The following CFAP61 variants were observed in gnomAD, a reference collection of about 807,000 sequenced individuals.
The protein encoded by CFAP61 is cilia and flagella associated protein 61, also known as cilia- and flagella-associated protein 61.
Under a neutral mutation model 135.6 loss-of-function variants are expected in CFAP61, and 107 were observed. The observed-to-expected ratio is 0.79, with a 90% CI of 0.67 to 0.93. The LOEUF (loss-of-function observed/expected upper bound fraction) is 0.93, where lower values mean the gene tolerates loss of function less well. Among genes scored for constraint, CFAP61 ranks in the 40% least tolerant of loss-of-function variants. CFAP61 has a pLI of 0.00. For synonymous variants in CFAP61, 575 were observed against 578.5 expected (o/e 0.99, Z 0.09); for missense variants, 1,507 against 1,556.2 (o/e 0.97, Z 0.53).
intron 17 of CFAP61, among the ~76,000 whole-genome samples, chr20:20,223,061 A>G (rs887366407): frequency 1.3e-5 from 2 of 152,226 alleles, no homozygotes; most frequent in East Asian, 3.8e-4. Flanking sequence ...GAAAAGATAT[A>G]TATACACATG....
chr20:20,247,673 G>C (rs756342436), intron 19 of CFAP61, among the ~76,000 whole-genome samples: 235 of 152,172 alleles, frequency 1.5e-3, no homozygotes, highest in Non-Finnish European at 2.9e-3. Flanking sequence ...GTGCTGTGAT[G>C]CTCCAGCCTA....
intron 18 of CFAP61, 68 bp downstream of exon 18, chr20:20,228,444 A>G: frequency 1.5e-6 from 2 of 1,362,574 alleles, no homozygotes; most frequent in South Asian, 2.5e-5. Flanking sequence ...ACATCTGAAG[A>G]GAACACCATC....
chr20:20,318,524 C>T (rs1016935755), intron 25 of CFAP61, among the ~76,000 whole-genome samples: 5 of 152,156 alleles, frequency 3.3e-5, no homozygotes, highest in East Asian at 1.9e-4. Context: ...GGGCTGGCAC[C>T]GGAGGCATGA....
At chr20:20,185,716 T>C (rs2055447948) in intron 13 of CFAP61, among the ~76,000 whole-genome samples, 1 of 152,244 alleles carries the variant, frequency 6.6e-6, no homozygotes, top group South Asian at 2.1e-4. Flanking sequence ...CACCAGTTTC[T>C]GAGAGAGGCA....
At chr20:20,097,085 G>C (rs2047633383) in intron 7 of CFAP61, among the ~76,000 whole-genome samples, 1 of 115,952 alleles carries the variant, frequency 8.6e-6, no homozygotes, top group South Asian at 3.5e-4. Flanking sequence ...ACAAATAGTA[G>C]TTTAATACCT....
intron 8 of CFAP61, among the ~76,000 whole-genome samples, chr20:20,114,994 T>G (rs1223654191): frequency 1.3e-5 from 2 of 152,210 alleles, no homozygotes; most frequent in Non-Finnish European, 2.9e-5. Flanking sequence ...GATCATATGA[T>G]TCTTCTCTAT....
At chr20:20,227,472 T>C (rs1601508531) in intron 17 of CFAP61, among the ~76,000 whole-genome samples, 2 of 152,372 alleles carry the variant, frequency 1.3e-5, no homozygotes, top group South Asian at 4.1e-4. Flanking sequence ...TATCCCAATG[T>C]TCTTCCAAGA....
chr20:20,251,662 A>G lies in CFAP61; in HGVS notation c.2227A>G (p.Arg743Gly). 1 of 1,614,262 alleles carries G rather than the reference A, an allele frequency of 6.2e-7. No homozygotes were observed. The highest frequency in any genetic ancestry group is 8.5e-7 in the Non-Finnish European group (1 of 1,180,040). Reference protein sequence around the residue: ...LCSWVNVVVGRMTGIDRAAKH... With the variant: ...LCSWVNVVVGGMTGIDRAAKH... ...CTCCTGGGTTAATGTCGTGGTGGGTAGAATGACCGGCATAGACCGAGCAGC... is the reference window on the plus strand; with the variant it reads ...CTCCTGGGTTAATGTCGTGGTGGGTGGAATGACCGGCATAGACCGAGCAGC... Residue 743 changes from arginine (R) to glycine (G), a missense_variant, in exon 20 of 27, where the codon AGA becomes GGA. Coordinates refer to ENST00000245957, the MANE Select transcript of CFAP61 (RefSeq NM_015585.4).
At chr20:20,341,338 C>T (rs969642527) in intron 25 of CFAP61, among the ~76,000 whole-genome samples, 7 of 152,314 alleles carry the variant, frequency 4.6e-5, no homozygotes, top group African/African-American at 1.7e-4. Context: ...AGCTCTCCTA[C>T]AAGAGATTCA....
At chr20:20,087,812 C>G (rs2046913615) in intron 6 of CFAP61, among the ~76,000 whole-genome samples, 1 of 152,080 alleles carries the variant, frequency 6.6e-6, no homozygotes, top group Non-Finnish European at 1.5e-5. Flanking sequence ...GAAGCAGGAT[C>G]CAGACCCAGG....
chr20:20,284,387 G>A (rs1269205780), intron 22 of CFAP61, among the ~76,000 whole-genome samples: 1 of 152,078 alleles, frequency 6.6e-6, no homozygotes, highest in East Asian at 1.9e-4. Context: ...CCAGGTTCAC[G>A]CCATTCTCCT....
At chr20:20,227,298 G>A (rs1420260429) in intron 17 of CFAP61, among the ~76,000 whole-genome samples, 1 of 152,224 alleles carries the variant, frequency 6.6e-6, no homozygotes, top group Non-Finnish European at 1.5e-5. Flanking sequence ...GTAATTAACA[G>A]CATGGGATGA....
At chr20:20,156,948 A>G (rs1384126027) in intron 9 of CFAP61, among the ~76,000 whole-genome samples, 1 of 152,230 alleles carries the variant, frequency 6.6e-6, no homozygotes, top group African/African-American at 2.4e-5. Flanking sequence ...CATTTTCAGC[A>G]GGAATTTTTA....
chr20:20,113,095 T>C (rs2048909394), intron 8 of CFAP61, among the ~76,000 whole-genome samples: 1 of 152,196 alleles, frequency 6.6e-6, no homozygotes, highest in Non-Finnish European at 1.5e-5. Context: ...AGGATCAGTT[T>C]CATAGATGTC....
chr20:20,085,624 T>C (rs1334529757), intron 6 of CFAP61: 1 of 721,356 alleles, frequency 1.4e-6, no homozygotes, highest in East Asian at 5.2e-5. Context: ...TTATTCCTGA[T>C]GTTTATAGCT....
chr20:20,348,689 CA>C (rs71198052), intron 26 of CFAP61, among the ~76,000 whole-genome samples: 2,314 of 53,330 alleles, frequency 0.043, 21 homozygotes, highest in African/African-American at 0.13. Context: ...GACTCCGTAT[CA>C]AAAAAAAAAA....
intron 8 of CFAP61, among the ~76,000 whole-genome samples, chr20:20,118,948 C>G (rs1208400736): frequency 6.6e-6 from 1 of 151,912 alleles, no homozygotes; most frequent in Non-Finnish European, 1.5e-5. Flanking sequence ...CTCCCAGTAG[C>G]TGATACTGTA....
intron 20 of CFAP61, among the ~76,000 whole-genome samples, chr20:20,254,816 C>T (rs938763593): frequency 5.9e-5 from 9 of 152,204 alleles, no homozygotes; most frequent in African/African-American, 7.2e-5. Flanking sequence ...TTAAATGGCA[C>T]GCCTCACTCT....
chr20:20,129,489 C>T (rs768763897), intron 8 of CFAP61, among the ~76,000 whole-genome samples: 1 of 151,670 alleles, frequency 6.6e-6, no homozygotes, highest in Non-Finnish European at 1.5e-5. Context: ...TTTTAGGATC[C>T]TCTCTTTATT....
Sources: allele counts gnomAD v4.1 joint callset (sites outside exome capture counted in the v4.1 genomes callset), GRCh38; gene constraint gnomAD v4.1.1; transcripts MANE v1.5; gene names NCBI Gene and HGNC (gene_info 2026-07-23, HGNC 2026-07-21).